MSRA: variants seen among roughly 807,000 people sequenced by gnomAD.
MSRA encodes the protein methionine sulfoxide reductase A.
A neutral mutation model predicts 31.3 loss-of-function variants in MSRA; 54 were observed. The observed-to-expected ratio is 1.73, with a 90% CI of 1.39 to 2.17. The LOEUF (loss-of-function observed/expected upper bound fraction) is 2.17, where lower values mean the gene tolerates loss of function less well. Ranked by LOEUF, MSRA falls within the 30% of genes most tolerant of loss-of-function variation. The pLI is 0.00. For synonymous variants in MSRA, 169 were observed against 116.5 expected (o/e 1.45, Z -2.90); for missense variants, 507 against 300.9 (o/e 1.69, Z -5.07).
chr8:10,119,295 C>A (rs6601415), intron 1 of MSRA, among the ~76,000 whole-genome samples: 75,152 of 152,048 alleles, frequency 0.49, 19,628 homozygotes, highest in East Asian at 0.95. Flanking sequence ...GGTCTTTGTC[C>A]GACAGAAGAC....
chr8:10,339,556 TTC>T (rs1554531886), intron 5 of MSRA, among the ~76,000 whole-genome samples: 1 of 100,718 alleles, frequency 9.9e-6, no homozygotes, highest in Admixed American at 1.2e-4. Flanking sequence ...TTTTTTTTTT[TTC>T]TGAGACGGAA....
chr8:10,106,861 G>A (rs965157977), intron 1 of MSRA, among the ~76,000 whole-genome samples: 19 of 150,754 alleles, frequency 1.3e-4, no homozygotes, highest in Non-Finnish European at 1.6e-4. Context: ...AACTACCCAC[G>A]CACCTACCCA....
At chr8:10,096,850 T>C in intron 1 of MSRA, among the ~76,000 whole-genome samples, 1 of 152,198 alleles carries the variant, frequency 6.6e-6, no homozygotes, top group Non-Finnish European at 1.5e-5. Context: ...AAGTATTCTG[T>C]TTTTAAAGAC....
At chr8:10,335,135 T>A (rs1802953210) in intron 5 of MSRA, among the ~76,000 whole-genome samples, 1 of 151,876 alleles carries the variant, frequency 6.6e-6, no homozygotes, top group African/African-American at 2.4e-5. Context: ...CCAGAAACGG[T>A]CAGGGTCAAT....
At chr8:10,318,793 A>T (rs1205707461) in intron 4 of MSRA, among the ~76,000 whole-genome samples, 1 of 152,032 alleles carries the variant, frequency 6.6e-6, no homozygotes, top group African/African-American at 2.4e-5. Context: ...CATCTTTGTC[A>T]TCTGGGCTTC....
intron 1 of MSRA, among the ~76,000 whole-genome samples, chr8:10,107,518 C>A (rs1231817480): frequency 6.6e-6 from 1 of 152,174 alleles, no homozygotes; most frequent in African/African-American, 2.4e-5. Flanking sequence ...CCTGTTTCAT[C>A]TTCCACCTGG....
chr8:10,092,396 C>G (rs576506640), intron 1 of MSRA, among the ~76,000 whole-genome samples: 2 of 152,094 alleles, frequency 1.3e-5, no homozygotes, highest in Non-Finnish European at 2.9e-5. Context: ...CGGTGGCTCA[C>G]GCCTGTAATC....
chr8:10,158,963 T>C (rs1199169256), intron 1 of MSRA, among the ~76,000 whole-genome samples: 4 of 152,198 alleles, frequency 2.6e-5, no homozygotes, highest in Non-Finnish European at 4.4e-5. Flanking sequence ...TGATTTGTAT[T>C]TCACCAATAG....
At chr8:10,190,354 C>T (rs907456278) in intron 1 of MSRA, among the ~76,000 whole-genome samples, 2 of 152,186 alleles carry the variant, frequency 1.3e-5, no homozygotes, top group Non-Finnish European at 2.9e-5. Context: ...CGCTTCTGTC[C>T]GTGGCAGTGC....
At chr8:10,140,154 C>G (rs1327610320) in intron 1 of MSRA, among the ~76,000 whole-genome samples, 1 of 152,142 alleles carries the variant, frequency 6.6e-6, no homozygotes, top group East Asian at 1.9e-4. Context: ...GAGGAGTGAG[C>G]TAATGGTGAT....
At chr8:10,115,050 G>T (rs1178387502) in intron 1 of MSRA, among the ~76,000 whole-genome samples, 3 of 152,196 alleles carry the variant, frequency 2.0e-5, no homozygotes, top group African/African-American at 7.2e-5. Flanking sequence ...CCAGTGGATT[G>T]CTGGAACAAA....
At position 10,177,394 on chromosome 8, in the gene MSRA, T is replaced by A. The variant is rs553296077; in HGVS notation, c.143-30439T>A. Among the ~76,000 whole-genome samples, 5 of 152,362 alleles carry A rather than the reference T, an allele frequency of 3.3e-5. No individual in the cohort carries two copies. The South Asian group carries it at 1.0e-3, about 32-fold the overall frequency. ...TATTTGAATCAAGATGCTTATGGTA[T>A]GGCATCCTAGAGTCGATTGCTTTTT... On this transcript the variant is annotated intron_variant, in intron 1 of 5. Transcript: ENST00000317173.
chr8:10,356,631 G>C (rs1302787405), intron 5 of MSRA, among the ~76,000 whole-genome samples: 1 of 152,180 alleles, frequency 6.6e-6, no homozygotes, highest in African/African-American at 2.4e-5. Flanking sequence ...TGTGAGAGTG[G>C]AGCCCTGATA....
intron 1 of MSRA, among the ~76,000 whole-genome samples, chr8:10,078,046 T>C (rs972540193): frequency 6.6e-6 from 1 of 152,234 alleles, no homozygotes; most frequent in Non-Finnish European, 1.5e-5. Flanking sequence ...AGCAGTAGCA[T>C]AGGAAATTAA....
At chr8:10,062,774 G>C (rs1317638327) in intron 1 of MSRA, among the ~76,000 whole-genome samples, 1 of 152,146 alleles carries the variant, frequency 6.6e-6, no homozygotes, top group Non-Finnish European at 1.5e-5. Flanking sequence ...TAACTAGATG[G>C]AATTTCTGCA....
intron 1 of MSRA, among the ~76,000 whole-genome samples, chr8:10,056,043 T>G (rs1435120232): frequency 1.3e-5 from 2 of 151,950 alleles, no homozygotes; most frequent in Non-Finnish European, 2.9e-5. Context: ...TATCTAAAAC[T>G]TATAAATGCA....
chr8:10,375,062 G>A (rs970420289), intron 5 of MSRA, among the ~76,000 whole-genome samples: 1 of 152,210 alleles, frequency 6.6e-6, no homozygotes, highest in African/African-American at 2.4e-5. Context: ...TGCTATGCTT[G>A]TGCAGCCTGC....
intron 1 of MSRA, among the ~76,000 whole-genome samples, chr8:10,086,097 A>G (rs977717283): frequency 6.6e-6 from 1 of 152,180 alleles, no homozygotes; most frequent in Non-Finnish European, 1.5e-5. Context: ...GGTTCCTATG[A>G]TCAGTGTAAC....
intron 1 of MSRA, among the ~76,000 whole-genome samples, chr8:10,111,573 G>A (rs1274697299): frequency 6.6e-6 from 1 of 152,070 alleles, no homozygotes; most frequent in Non-Finnish European, 1.5e-5. Context: ...TTCTTATATA[G>A]CGTTAACACA....
Sources: gnomAD v4.1 joint callset for allele counts (sites outside exome capture counted in the v4.1 genomes callset) on GRCh38, gnomAD v4.1.1 for gene constraint, MANE v1.5 for transcripts, NCBI Gene and HGNC (gene_info 2026-07-23, HGNC 2026-07-21) for gene names.